ACADSB: variants seen among roughly 807,000 people sequenced by gnomAD.
ACADSB encodes short/branched chain specific acyl-CoA dehydrogenase, mitochondrial.
A neutral mutation model predicts 54.1 loss-of-function variants in ACADSB; 40 were observed. That is an observed-to-expected ratio of 0.74 (90% CI 0.57 to 0.96). The LOEUF (loss-of-function observed/expected upper bound fraction) is 0.96, where lower values mean the gene tolerates loss of function less well. Ranked by LOEUF, ACADSB falls within the 40% of genes least tolerant of loss-of-function variation. The pLI is 0.00. For synonymous variants in ACADSB, 182 were observed against 182.8 expected (o/e 1.00, Z 0.03); for missense variants, 530 against 510.4 (o/e 1.04, Z -0.37).
chr10:123,024,474 G>C (rs949686452), intron 1 of ACADSB, among the ~76,000 whole-genome samples: 1 of 152,208 alleles, frequency 6.6e-6, no homozygotes, highest in Non-Finnish European at 1.5e-5. Flanking sequence ...GCCCACCAAG[G>C]ATCCTGAGTT....
At chr10:123,029,398 C>G (rs10794585) in intron 1 of ACADSB, among the ~76,000 whole-genome samples, 11,202 of 151,890 alleles carry the variant, frequency 0.074, 475 homozygotes, top group Middle Eastern at 0.16. Context: ...TAACACAGAA[C>G]TCACACTTCC....
rs1362351588 is a variant in ACADSB, at chr10:123,056,536, G to A, written c.*2771G>A. 3.3e-5 allele frequency: 5 copies of A among 152,590 alleles called. No individual in the cohort carries two copies. The highest frequency in any genetic ancestry group is 1.2e-4 in the African/African-American group (5 of 41,444). 9.5% of individuals were successfully genotyped at this position (152,590 alleles called of 1,614,324 possible). A position where few individuals can be genotyped will look rare whatever the true frequency, so the allele number is the denominator to read the frequency against. ...GACATAGCCAAACCATATCACTGGT[G>A]ATGCCACTTCTTCAGTATTAGGGAT... On this transcript the variant is annotated 3_prime_UTR_variant, in exon 11 of 11. Coordinates refer to ENST00000358776, the MANE Select transcript of ACADSB (RefSeq NM_001609.4).
At chr10:123,041,077 T>C in intron 4 of ACADSB, 132 bp from the exon 5 acceptor site, 1 of 1,028,046 alleles carries the variant, frequency 9.7e-7, no homozygotes, top group Non-Finnish European at 1.4e-6. Flanking sequence ...ACCATTGCTA[T>C]TTTCATAAAT....
chr10:123,025,780 C>T (rs925750546), intron 1 of ACADSB, among the ~76,000 whole-genome samples: 8 of 152,120 alleles, frequency 5.3e-5, no homozygotes, highest in Non-Finnish European at 8.8e-5. Context: ...ATGCCTGGCC[C>T]AGTGTGGTGG....
rs1850711712 is a variant in ACADSB, at chr10:123,056,611, G to A, written c.*2846G>A. On this transcript the variant is annotated 3_prime_UTR_variant, in exon 11 of 11. Transcript: ENST00000358776. The stretch of plus-strand genomic sequence containing the variant: ...GTGGCCTGAGTCCCCTCAGGAGGAA[G>A]GTGGACAACAGAGAAATGAGAGTTT... The A allele has an allele frequency of 6.6e-6, 1 of 152,210 alleles. No individual in the cohort carries two copies. Among genetic ancestry groups the A allele is most frequent in the Non-Finnish European group, 1.5e-5 (1 of 68,056 alleles). The allele number at this position is 152,210 out of a possible 1,614,324, so 9.4% of individuals were successfully genotyped here. A position where few individuals can be genotyped will look rare whatever the true frequency, so the allele number is the denominator to read the frequency against.
rs1327191681 is a variant in ACADSB at position 123,053,892 on chromosome 10, C to G, written c.*127C>G. Reference sequence around the variant, plus strand: ...AGCATTCGAATATTTTAATGAAGCCCTTAGTCAGGGTCCTGGTGTTGGCCT... The same window carrying G: ...AGCATTCGAATATTTTAATGAAGCCGTTAGTCAGGGTCCTGGTGTTGGCCT... On this transcript the variant is annotated 3_prime_UTR_variant, in exon 11 of 11. Coordinates refer to ENST00000358776, the MANE Select transcript of ACADSB (RefSeq NM_001609.4). The G allele has an allele frequency of 6.6e-6, 6 of 906,594 alleles. No homozygotes were observed. The highest frequency in any genetic ancestry group is 5.9e-5 in the Admixed American group (3 of 51,046). The allele number at this position is 906,594 out of a possible 1,614,324, so 56.2% of individuals were successfully genotyped here.
chr10:123,018,836 C>T (rs957006499), intron 1 of ACADSB, among the ~76,000 whole-genome samples: 8 of 152,186 alleles, frequency 5.3e-5, no homozygotes, highest in Middle Eastern at 3.4e-3. Context: ...TTCACTATCA[C>T]GAGAACAACA....
chr10:123,010,875 A>G (rs1452569827), intron 1 of ACADSB, among the ~76,000 whole-genome samples: 1 of 152,210 alleles, frequency 6.6e-6, no homozygotes, highest in Non-Finnish European at 1.5e-5. Context: ...GTGTGGAACA[A>G]ATCCTAAGGG....
At chr10:123,020,357 T>C (rs1321455287) in intron 1 of ACADSB, among the ~76,000 whole-genome samples, 2 of 152,202 alleles carry the variant, frequency 1.3e-5, no homozygotes, top group East Asian at 1.9e-4. Context: ...GGGAAGCTCC[T>C]AGAAGGCTTT....
chr10:123,033,930 C>T (rs2133473820), intron 1 of ACADSB, among the ~76,000 whole-genome samples: 1 of 152,272 alleles, frequency 6.6e-6, no homozygotes, highest in Non-Finnish European at 1.5e-5. Context: ...ATGTCCTCCC[C>T]AGCTCCCTGG....
At chr10:123,046,390 G>A (rs143185853) in intron 7 of ACADSB, among the ~76,000 whole-genome samples, 3 of 152,104 alleles carry the variant, frequency 2.0e-5, no homozygotes, top group African/African-American at 4.8e-5. Context: ...ATTTAGAAAC[G>A]ATTTCTAAGC....
chr10:123,035,781 T>C (rs955769506), intron 2 of ACADSB, among the ~76,000 whole-genome samples: 4 of 152,212 alleles, frequency 2.6e-5, no homozygotes, highest in African/African-American at 9.7e-5. Flanking sequence ...TGGAGGCCTC[T>C]GTATTCCTTG....
chr10:123,047,277 C>T lies in ACADSB; in HGVS notation c.969C>T (p.Gly323=). The change falls in exon 8 of 11, where the codon GGC becomes GGT. Residue 323 remains glycine (G), a synonymous_variant. Transcript: ENST00000358776. ...ATATTAAAGAAAGGATACAATTTGG[C>T]AAAAGACTATTTGATTTTCAGGTAT... ...IPYIKERIQF[G]KRLFDFQGLQ... The T allele has an allele frequency of 5.6e-6, 9 of 1,598,576 alleles. No homozygotes were observed. The South Asian group carries it at 8.8e-5, about 16-fold the overall frequency.
chr10:123,040,203 T>A (rs558174762), intron 3 of ACADSB, among the ~76,000 whole-genome samples: 293 of 142,706 alleles, frequency 2.1e-3, no homozygotes, highest in African/African-American at 7.4e-3. Context: ...AAAAAAAAAT[T>A]AGCTGGGTGT....
chr10:123,009,094 T>C, intron 1 of ACADSB, 23 bp downstream of exon 1: 2 of 1,543,568 alleles, frequency 1.3e-6, no homozygotes, highest in Non-Finnish European at 1.7e-6. Flanking sequence ...GAGGCTGGCG[T>C]CCTGGGGGCC....
At chr10:123,014,291 A>G (rs771714635) in intron 1 of ACADSB, among the ~76,000 whole-genome samples, 1 of 152,230 alleles carries the variant, frequency 6.6e-6, no homozygotes, top group African/African-American at 2.4e-5. Flanking sequence ...CAGCTGACTC[A>G]TTATAAATAA....
At chr10:123,014,632 C>A (rs1247992079) in intron 1 of ACADSB, among the ~76,000 whole-genome samples, 2 of 151,684 alleles carry the variant, frequency 1.3e-5, no homozygotes, top group African/African-American at 2.4e-5. Context: ...TTCTTGACAT[C>A]AAAAAAAATT....
intron 9 of ACADSB, among the ~76,000 whole-genome samples, chr10:123,051,660 A>G (rs954248337): frequency 2.6e-5 from 4 of 152,318 alleles, no homozygotes; most frequent in African/African-American, 9.6e-5. Context: ...AAAACTTTCT[A>G]CTCATACATT....
intron 1 of ACADSB, among the ~76,000 whole-genome samples, chr10:123,025,202 T>A (rs1418186051): frequency 6.6e-6 from 1 of 152,200 alleles, no homozygotes; most frequent in African/African-American, 2.4e-5. Context: ...ATGTCTGCAA[T>A]CACTGCACTT....
Sources: allele counts gnomAD v4.1 joint callset (sites outside exome capture counted in the v4.1 genomes callset), GRCh38; gene constraint gnomAD v4.1.1; transcripts MANE v1.5; gene names NCBI Gene and HGNC (gene_info 2026-07-23, HGNC 2026-07-21).